AGBL4: variants seen among roughly 807,000 people sequenced by gnomAD.
AGBL4 encodes the protein cytosolic carboxypeptidase 6.
A neutral mutation model predicts 66.4 loss-of-function variants in AGBL4; 58 were observed. That is an observed-to-expected ratio of 0.87 (90% CI 0.71 to 1.09). AGBL4 has a LOEUF of 1.09. Ranked by LOEUF, AGBL4 falls within the 50% of genes least tolerant of loss-of-function variation. The pLI is 0.00. For synonymous variants in AGBL4, 234 were observed against 222.9 expected (o/e 1.05, Z -0.44); for missense variants, 579 against 631.0 (o/e 0.92, Z 0.88).
intron 3 of AGBL4, among the ~76,000 whole-genome samples, chr1:49,674,161 C>A (rs1646535166): frequency 6.6e-6 from 1 of 152,044 alleles, no homozygotes; most frequent in Non-Finnish European, 1.5e-5. Context: ...TGAGAAACAG[C>A]TTTTTCTTTT....
rs377100103 is a variant in AGBL4, at chr1:48,562,987, T to G, written c.1268-23249A>C. Among the ~76,000 whole-genome samples, 6 of 152,346 alleles carry G rather than the reference T, an allele frequency of 3.9e-5. No homozygotes were observed. The East Asian group carries it at 9.6e-4, about 24-fold the overall frequency. ...TTGGTCTCTAGGTCTGAGACTCTTCTGTCCCACTGGGTGATTTCACCACTA... is the reference window on the plus strand; with the variant it reads ...TTGGTCTCTAGGTCTGAGACTCTTCGGTCCCACTGGGTGATTTCACCACTA... On this transcript the variant is annotated intron_variant, in intron 11 of 13. Coordinates refer to ENST00000371839, the MANE Select transcript of AGBL4 (RefSeq NM_032785.4).
intron 9 of AGBL4, among the ~76,000 whole-genome samples, chr1:48,606,720 C>A (rs1386779909): frequency 2.0e-5 from 3 of 152,148 alleles, no homozygotes; most frequent in African/African-American, 2.4e-5. Context: ...TGGTTCTGGA[C>A]TACTGCAGTA....
intron 3 of AGBL4, among the ~76,000 whole-genome samples, chr1:49,428,328 C>T (rs908509166): frequency 3.9e-5 from 6 of 152,182 alleles, no homozygotes; most frequent in Non-Finnish European, 8.8e-5. Context: ...GAATTTCACA[C>T]TAGTCATGTG....
intron 3 of AGBL4, among the ~76,000 whole-genome samples, chr1:49,336,482 C>T (rs995567120): frequency 1.3e-5 from 2 of 152,200 alleles, no homozygotes; most frequent in Non-Finnish European, 2.9e-5. Context: ...AATATCTGGG[C>T]CCCTGGTGGC....
intron 5 of AGBL4, among the ~76,000 whole-genome samples, chr1:48,941,256 A>T (rs903542952): frequency 3.3e-5 from 5 of 152,180 alleles, no homozygotes; most frequent in Non-Finnish European, 5.9e-5. Context: ...TAAATTCTGT[A>T]ACACTTTGGA....
chr1:49,853,047 A>G (rs1646344119), intron 1 of AGBL4, among the ~76,000 whole-genome samples: 1 of 152,318 alleles, frequency 6.6e-6, no homozygotes, highest in Admixed American at 6.5e-5. Flanking sequence ...TGTAAATACT[A>G]TAAAACAGTA....
At chr1:49,007,681 G>A (rs1421651935) in intron 5 of AGBL4, among the ~76,000 whole-genome samples, 4 of 151,342 alleles carry the variant, frequency 2.6e-5, no homozygotes, top group African/African-American at 4.9e-5. Flanking sequence ...TGGATCTCTC[G>A]GCAGAAACCC....
intron 4 of AGBL4, among the ~76,000 whole-genome samples, chr1:49,083,367 A>G (rs1335685255): frequency 1.3e-5 from 2 of 152,190 alleles, no homozygotes; most frequent in Non-Finnish European, 2.9e-5. Flanking sequence ...AGGCATTTCC[A>G]TACATCCTGT....
intron 3 of AGBL4, among the ~76,000 whole-genome samples, chr1:49,536,689 T>C (rs1371729542): frequency 6.6e-6 from 1 of 152,184 alleles, no homozygotes; most frequent in African/African-American, 2.4e-5. Flanking sequence ...AGCATGGTAT[T>C]GGTATAAAAA....
intron 1 of AGBL4, among the ~76,000 whole-genome samples, chr1:49,992,985 T>C (rs374371665): frequency 1.3e-5 from 2 of 152,320 alleles, no homozygotes; most frequent in South Asian, 4.1e-4. Flanking sequence ...CCATGTTAGC[T>C]TGCACATCAT....
intron 1 of AGBL4, among the ~76,000 whole-genome samples, chr1:49,975,508 T>C (rs1232743828): frequency 6.6e-6 from 1 of 152,116 alleles, no homozygotes; most frequent in African/African-American, 2.4e-5. Flanking sequence ...GACATAATAG[T>C]CAGGAAAGGT....
chr1:49,167,310 T>G (rs2148153670), intron 4 of AGBL4, among the ~76,000 whole-genome samples: 1 of 152,348 alleles, frequency 6.6e-6, no homozygotes, highest in South Asian at 2.1e-4. Context: ...ACACACTCTC[T>G]CTTTCACACT....
At chr1:49,107,975 T>C (rs1255591666) in intron 4 of AGBL4, among the ~76,000 whole-genome samples, 1 of 152,134 alleles carries the variant, frequency 6.6e-6, no homozygotes, top group Non-Finnish European at 1.5e-5. Flanking sequence ...CTTGAATCTT[T>C]GACAAATAAA....
chr1:49,578,173 G>T (rs551340440), intron 3 of AGBL4, among the ~76,000 whole-genome samples: 1 of 152,148 alleles, frequency 6.6e-6, no homozygotes, highest in Non-Finnish European at 1.5e-5. Flanking sequence ...GCTAAGAAGG[G>T]AGTTGCAGTG....
intron 3 of AGBL4, among the ~76,000 whole-genome samples, chr1:49,350,213 T>TG (rs1414960629): frequency 2.0e-5 from 3 of 151,348 alleles, no homozygotes; most frequent in Non-Finnish European, 3.0e-5. Flanking sequence ...TGTTTTGTTT[T>TG]TTTTTTTTGA....
intron 1 of AGBL4, among the ~76,000 whole-genome samples, chr1:49,944,903 A>T (rs1655075206): frequency 6.6e-6 from 1 of 152,000 alleles, no homozygotes; most frequent in African/African-American, 2.4e-5. Context: ...GGATGCACTT[A>T]CAGAAATATG....
chr1:48,751,644 T>A (rs556583655), intron 6 of AGBL4, among the ~76,000 whole-genome samples: 5 of 152,082 alleles, frequency 3.3e-5, no homozygotes, highest in African/African-American at 1.2e-4. Context: ...GCCTGGCAAA[T>A]CCAAAAAAAA....
chr1:48,796,022 C>T (rs926297989), intron 6 of AGBL4, among the ~76,000 whole-genome samples: 4 of 152,188 alleles, frequency 2.6e-5, no homozygotes, highest in Non-Finnish European at 5.9e-5. Context: ...AGCACAGTTC[C>T]ATGACAAGGA....
chr1:48,685,992 G>C (rs1395718788), intron 6 of AGBL4, among the ~76,000 whole-genome samples: 1 of 152,170 alleles, frequency 6.6e-6, no homozygotes, highest in Non-Finnish European at 1.5e-5. Context: ...CCATTTTAGA[G>C]ATGAGAAAAC....
Sources: gnomAD v4.1 joint callset for allele counts (sites outside exome capture counted in the v4.1 genomes callset) on GRCh38, gnomAD v4.1.1 for gene constraint, MANE v1.5 for transcripts, NCBI Gene and HGNC (gene_info 2026-07-23, HGNC 2026-07-21) for gene names.